Variants in OXCT1 observed in about 807,000 individuals in gnomAD.
The protein encoded by OXCT1 is 3-oxoacid CoA-transferase 1.
OXCT1 carries 27 observed loss-of-function variants against 69.6 expected under a neutral mutation model. That is an observed-to-expected ratio of 0.39 (90% CI 0.29 to 0.54). The LOEUF (loss-of-function observed/expected upper bound fraction) is 0.54, where lower values mean the gene tolerates loss of function less well. Among genes scored for constraint, OXCT1 ranks in the 20% least tolerant of loss-of-function variants. The pLI is 0.72. For synonymous variants in OXCT1, 202 were observed against 217.8 expected (o/e 0.93, Z 0.64); for missense variants, 437 against 650.2 (o/e 0.67, Z 3.57).
chr5:41,805,545 G>T, intron 9 of OXCT1, 22 bp downstream of exon 9: 1 of 1,519,840 alleles, frequency 6.6e-7, no homozygotes, highest in Non-Finnish European at 9.1e-7. Context: ...TCTTTGCCCG[G>T]GCTCAGAAGG....
At chr5:41,825,926 T>A (rs1459339288) in intron 7 of OXCT1, among the ~76,000 whole-genome samples, 1 of 152,220 alleles carries the variant, frequency 6.6e-6, no homozygotes, top group East Asian at 1.9e-4. Flanking sequence ...ATAACTTTAA[T>A]CTTCATCCCA....
intron 13 of OXCT1, among the ~76,000 whole-genome samples, chr5:41,767,720 GTGTATA>G (rs1171154599): frequency 1.1e-3 from 83 of 78,360 alleles, no homozygotes; most frequent in African/African-American, 4.6e-3. Flanking sequence ...ATATATGTGT[GTGTATA>G]TATATATATA....
intron 13 of OXCT1, among the ~76,000 whole-genome samples, chr5:41,770,506 G>C (rs1276424813): frequency 6.6e-6 from 1 of 152,106 alleles, no homozygotes; most frequent in African/African-American, 2.4e-5. Context: ...AGACACCCAA[G>C]GAAAAGTCCT....
intron 14 of OXCT1, among the ~76,000 whole-genome samples, chr5:41,755,012 T>A (rs907517913): frequency 6.6e-6 from 1 of 152,092 alleles, no homozygotes; most frequent in Admixed American, 6.6e-5. Flanking sequence ...TACTTATTTT[T>A]TCTAAAGGTT....
At chr5:41,756,614 G>GT (rs1744085854) in intron 14 of OXCT1, among the ~76,000 whole-genome samples, 1 of 152,032 alleles carries the variant, frequency 6.6e-6, no homozygotes, top group South Asian at 2.1e-4. Flanking sequence ...AATTCAACAA[G>GT]TATGTATTGA....
intron 15 of OXCT1, among the ~76,000 whole-genome samples, chr5:41,743,270 A>G (rs1743279118): frequency 6.6e-6 from 1 of 152,162 alleles, no homozygotes; most frequent in Admixed American, 6.5e-5. Context: ...GGCTGCATAA[A>G]TGTCTTCTTT....
intron 1 of OXCT1, among the ~76,000 whole-genome samples, chr5:41,868,736 C>A (rs1196221204): frequency 2.7e-5 from 4 of 149,608 alleles, no homozygotes; most frequent in East Asian, 2.0e-4. Flanking sequence ...AAAAAAAAAA[C>A]AATAAGGGCA....
At chr5:41,767,722 GTATATATATATATATATATA>G (rs367584226) in intron 13 of OXCT1, among the ~76,000 whole-genome samples, 1 of 89,972 alleles carries the variant, frequency 1.1e-5, no homozygotes, top group Non-Finnish European at 2.0e-5. Flanking sequence ...ATATGTGTGT[GTATATATATATATATATATA>G]TATATATATA....
At chr5:41,739,044 T>G (rs534351530) in intron 16 of OXCT1, among the ~76,000 whole-genome samples, 1 of 152,316 alleles carries the variant, frequency 6.6e-6, no homozygotes, top group East Asian at 1.9e-4. Context: ...CATTTTTCAG[T>G]TAATCAAGTT....
chr5:41,807,334 A>T lies in OXCT1; in HGVS notation c.837T>A (p.Ile279=), dbSNP rs752500762. Residue 279 remains isoleucine (I), a synonymous_variant, in exon 8 of 17, where the codon ATT becomes ATA. Transcript: ENST00000196371. ...ACAAAGCAGCTAAGTCAATTACCTC[A>T]ATTCTTTTCTCATATTTTTCTCCCT... ...LIKGEKYEKR[I]ERLSIRKEGD... is the part of the protein sequence containing the mutation. 4.7e-6 allele frequency: 7 copies of T among 1,488,550 alleles called. No individual in the cohort carries two copies. The highest frequency in any genetic ancestry group is 1.7e-4 in the Middle Eastern group (1 of 5,810). The allele number at this position is 1,488,550 out of a possible 1,614,324, so 92.2% of individuals were successfully genotyped here. A position where few individuals can be genotyped will look rare whatever the true frequency, so the allele number is the denominator to read the frequency against.
chr5:41,788,136 T>C (rs1745738786), intron 13 of OXCT1, among the ~76,000 whole-genome samples: 2 of 152,142 alleles, frequency 1.3e-5, no homozygotes, highest in African/African-American at 4.8e-5. Flanking sequence ...AAAACAGAAG[T>C]TTACTATTGT....
intron 13 of OXCT1, among the ~76,000 whole-genome samples, chr5:41,776,546 T>C (rs1203107574): frequency 1.3e-5 from 2 of 152,244 alleles, no homozygotes. Context: ...TTTAAGCCTG[T>C]TGCTAAACGG....
chr5:41,838,424 T>A (rs1748474997), intron 7 of OXCT1, among the ~76,000 whole-genome samples: 2 of 152,140 alleles, frequency 1.3e-5, no homozygotes, highest in Non-Finnish European at 2.9e-5. Context: ...CTTACAATAA[T>A]CCTATAGTCC....
chr5:41,825,919 A>C (rs148265554), intron 7 of OXCT1, among the ~76,000 whole-genome samples: 324 of 152,328 alleles, frequency 2.1e-3, no homozygotes, highest in African/African-American at 7.4e-3. Context: ...GCAGGAAATA[A>C]CTTTAATCTT....
intron 11 of OXCT1, among the ~76,000 whole-genome samples, chr5:41,800,807 T>A (rs1442942354): frequency 6.6e-6 from 1 of 152,080 alleles, no homozygotes; most frequent in South Asian, 2.1e-4. Context: ...GATTGATCCA[T>A]CAAAGCTCTT....
chr5:41,827,991 T>C (rs569739130), intron 7 of OXCT1, among the ~76,000 whole-genome samples: 1 of 152,186 alleles, frequency 6.6e-6, no homozygotes, highest in Non-Finnish European at 1.5e-5. Context: ...TCTGTAGCTC[T>C]TGGAAACTCT....
At chr5:41,770,071 G>A (rs1744812482) in intron 13 of OXCT1, among the ~76,000 whole-genome samples, 1 of 152,198 alleles carries the variant, frequency 6.6e-6, no homozygotes, top group Non-Finnish European at 1.5e-5. Context: ...TTGCTCATTA[G>A]ACTATGAGCC....
At chr5:41,813,769 A>T (rs1747099011) in intron 7 of OXCT1, among the ~76,000 whole-genome samples, 3 of 148,322 alleles carry the variant, frequency 2.0e-5, no homozygotes, top group African/African-American at 7.9e-5. Flanking sequence ...CCCTAGAACA[A>T]ACCAATTACC....
At chr5:41,835,830 C>T (rs1299876876) in intron 7 of OXCT1, among the ~76,000 whole-genome samples, 1 of 152,092 alleles carries the variant, frequency 6.6e-6, no homozygotes, top group Non-Finnish European at 1.5e-5. Context: ...CTGAGTCAGA[C>T]GACCTTTTCT....
Sources: gnomAD v4.1 joint callset for allele counts (sites outside exome capture counted in the v4.1 genomes callset) on GRCh38, gnomAD v4.1.1 for gene constraint, MANE v1.5 for transcripts, NCBI Gene and HGNC (gene_info 2026-07-23, HGNC 2026-07-21) for gene names.